Variants in NAALADL2 observed in about 807,000 individuals in gnomAD.
NAALADL2 encodes N-acetylated alpha-linked acidic dipeptidase like 2.
A neutral mutation model predicts 87.2 loss-of-function variants in NAALADL2; 76 were observed. That is an observed-to-expected ratio of 0.87 (90% confidence interval 0.72 to 1.05). The LOEUF is 1.05. NAALADL2 is among the 50% of genes least tolerant of loss of function. The pLI is 0.00. For missense variants in NAALADL2, 1,089 were observed against 945.8 expected, an observed-to-expected ratio of 1.15 and a Z score of -1.99; for synonymous variants, 354 against 331.0, an observed-to-expected ratio of 1.07 and a Z score of -0.75.
intron 3 of NAALADL2, among the ~76,000 whole-genome samples, chr3:175,255,399 G>A (rs1351609370): frequency 6.6e-6 from 1 of 152,092 alleles, no homozygotes; most frequent in Non-Finnish European, 1.5e-5. Flanking sequence ...CAATCGAGAA[G>A]GATGGAAAGC....
chr3:174,948,640 G>T (rs1275933845), intron 1 of NAALADL2, among the ~76,000 whole-genome samples: 2 of 152,060 alleles, frequency 1.3e-5, no homozygotes, highest in African/African-American at 4.8e-5. Flanking sequence ...ACAGGAATTT[G>T]GACACAGAAC....
At chr3:174,624,635 A>C (rs1721374431) in intron 2 of NAALADL2, among the ~76,000 whole-genome samples, 1 of 152,100 alleles carries the variant, frequency 6.6e-6, no homozygotes, top group Non-Finnish European at 1.5e-5. Flanking sequence ...AAAAAAAAAA[A>C]AAAGTTGGCA....
chr3:175,102,831 C>T (rs1469430541), intron 2 of NAALADL2, among the ~76,000 whole-genome samples: 2 of 152,030 alleles, frequency 1.3e-5, no homozygotes, highest in African/African-American at 2.4e-5. Flanking sequence ...ATAAATTGGC[C>T]AGGCACGGTG....
chr3:175,399,805 C>T (rs62288019), intron 5 of NAALADL2, among the ~76,000 whole-genome samples: 14,419 of 152,100 alleles, frequency 0.095, 745 homozygotes, highest in East Asian at 0.17. Flanking sequence ...TTATTTTACC[C>T]GGCTCCTGTT....
chr3:175,048,191 A>G (rs1405610204), intron 1 of NAALADL2, among the ~76,000 whole-genome samples: 1 of 151,972 alleles, frequency 6.6e-6, no homozygotes, highest in Non-Finnish European at 1.5e-5. Context: ...AAAATGGCAA[A>G]AAATGTCAGG....
chr3:175,697,855 GTGTATATATGTA>G (rs1224142318), intron 11 of NAALADL2, among the ~76,000 whole-genome samples: 1 of 104,084 alleles, frequency 9.6e-6, no homozygotes, highest in Non-Finnish European at 1.9e-5. Context: ...ACATATATAT[GTGTATATATGTA>G]TGTATACATA....
chr3:174,532,269 T>C (rs1174100165), intron 1 of NAALADL2, among the ~76,000 whole-genome samples: 1 of 152,120 alleles, frequency 6.6e-6, no homozygotes, highest in Non-Finnish European at 1.5e-5. Context: ...TGTAACTATT[T>C]TTTTAGAGTG....
chr3:175,208,339 T>G (rs1386734336), intron 2 of NAALADL2, among the ~76,000 whole-genome samples: 1 of 152,176 alleles, frequency 6.6e-6, no homozygotes, highest in Non-Finnish European at 1.5e-5. Flanking sequence ...GCTTTGCTAG[T>G]ACCCCTGCCA....
intron 3 of NAALADL2, among the ~76,000 whole-genome samples, chr3:174,747,315 A>T (rs1476653880): frequency 6.6e-6 from 1 of 152,164 alleles, no homozygotes; most frequent in African/African-American, 2.4e-5. Context: ...TGGCCAAAAA[A>T]CATATGAAGA....
intron 4 of NAALADL2, among the ~76,000 whole-genome samples, chr3:175,266,421 T>C (rs971733597): frequency 6.6e-6 from 1 of 151,524 alleles, no homozygotes; most frequent in Non-Finnish European, 1.5e-5. Flanking sequence ...AAGACTTAAA[T>C]TTTGCCTAAT....
chr3:174,759,812 T>C (rs970329933), intron 3 of NAALADL2, among the ~76,000 whole-genome samples: 21 of 152,092 alleles, frequency 1.4e-4, no homozygotes, highest in African/African-American at 5.1e-4. Context: ...GTGATTCTCC[T>C]GCCTCAGCCT....
chr3:174,686,485 A>G (rs1469526893), intron 2 of NAALADL2, among the ~76,000 whole-genome samples: 3 of 149,308 alleles, frequency 2.0e-5, no homozygotes, highest in African/African-American at 7.3e-5. Context: ...TCATATGTTG[A>G]GCTTTTTTTT....
At chr3:174,497,477 A>C (rs1481283693) in intron 1 of NAALADL2, among the ~76,000 whole-genome samples, 3 of 141,414 alleles carry the variant, frequency 2.1e-5, no homozygotes, top group Non-Finnish European at 4.7e-5. Context: ...TAAAAAGAAG[A>C]AGCGAAAAGA....
chr3:174,797,266 T>C (rs1718210491), intron 3 of NAALADL2, among the ~76,000 whole-genome samples: 1 of 151,584 alleles, frequency 6.6e-6, no homozygotes. Flanking sequence ...AGTATGTGAC[T>C]TTATTTCTGG....
At chr3:175,332,285 A>G (rs995094044) in intron 5 of NAALADL2, among the ~76,000 whole-genome samples, 1 of 152,204 alleles carries the variant, frequency 6.6e-6, no homozygotes, top group African/African-American at 2.4e-5. Flanking sequence ...AACAAAAAGA[A>G]GAAACCTGGA....
intron 5 of NAALADL2, among the ~76,000 whole-genome samples, chr3:175,379,582 G>A (rs975577891): frequency 6.6e-6 from 1 of 150,714 alleles, no homozygotes; most frequent in Non-Finnish European, 1.5e-5. Context: ...CACCCAGACT[G>A]GAGTGCAGTG....
At chr3:175,489,238 C>A (rs998631578) in intron 9 of NAALADL2, among the ~76,000 whole-genome samples, 1 of 152,006 alleles carries the variant, frequency 6.6e-6, no homozygotes, top group Non-Finnish European at 1.5e-5. Context: ...AAAATTCACA[C>A]CTATGATCTC....
chr3:174,911,818 T>C (rs1278965477), intron 1 of NAALADL2, among the ~76,000 whole-genome samples: 2 of 152,100 alleles, frequency 1.3e-5, no homozygotes, highest in African/African-American at 2.4e-5. Flanking sequence ...CCCTTTACGA[T>C]GTAGCCTCAA....
intron 12 of NAALADL2, among the ~76,000 whole-genome samples, chr3:175,751,979 G>T (rs908087453): frequency 6.6e-6 from 1 of 151,740 alleles, no homozygotes. Context: ...TGGATTTTTA[G>T]TAAGAAAGTG....
Sources: allele counts gnomAD v4.1 joint callset (sites outside exome capture counted in the v4.1 genomes callset), GRCh38; gene constraint gnomAD v4.1.1; transcripts MANE v1.5; gene names NCBI Gene and HGNC (gene_info 2026-07-23, HGNC 2026-07-21).